FAM153A: variants seen among roughly 807,000 people sequenced by gnomAD.
FAM153A encodes the protein protein FAM153A.
FAM153A carries 12 observed loss-of-function variants against 48.1 expected under a neutral mutation model. The ratio of observed to expected loss-of-function variants is 0.25; its 90% CI spans 0.16 to 0.40. The LOEUF (loss-of-function observed/expected upper bound fraction) is 0.40, where lower values mean the gene tolerates loss of function less well. Among genes scored for constraint, FAM153A ranks in the 10% least tolerant of loss-of-function variants. The pLI, the probability that FAM153A is intolerant of heterozygous loss-of-function variation, is 1.00. For missense variants in FAM153A, 111 were observed against 345.8 expected (o/e 0.32, Z 5.38); for synonymous variants, 36 against 118.2 (o/e 0.30, Z 4.51).
At chr5:177,737,695 T>G (rs577901316) in intron 10 of FAM153A, among the ~76,000 whole-genome samples, 1 of 151,596 alleles carries the variant, frequency 6.6e-6, no homozygotes, top group South Asian at 2.1e-4. Flanking sequence ...TAATTCTGTA[T>G]TTTTAGGAGA....
At chr5:177,706,765 G>C (rs1757922359), downstream of FAM153A, 2 of 151,876 alleles carry the variant, frequency 1.3e-5, no homozygotes, top group African/African-American at 4.9e-5. Context: ...AGGAAGGCTT[G>C]ATCAGCATGT....
chr5:177,767,865 TGACAAAACGTGTGGA>T, intron 1 of FAM153A, among the ~76,000 whole-genome samples: 1 of 95,976 alleles, frequency 1.0e-5, no homozygotes, highest in Non-Finnish European at 2.2e-5. Context: ...AAGTCTCCTG[TGACAAAACGTGTGGA>T]GGGTTTTTCT....
In FAM153A at chr5:177,713,248, CTTTCT is replaced by C. The variant is rs1287052979; in HGVS notation, c.*1392-83_*1392-79del. On this transcript the variant is annotated intron_variant and NMD_transcript_variant, in intron 26 of 26. Transcript: ENST00000360669. ...ACTGTTTCTTACGTGTTTTCTTTTT[CTTTCT>C]TTTCTTTTTTTTTTTTTTGAGGAGT... The C allele has an allele frequency of 4.4e-4, 62 of 139,822 alleles. 2 individuals are homozygous for C. The highest frequency in any genetic ancestry group is 1.7e-3 in the South Asian group (7 of 4,134). The allele number at this position is 139,822 out of a possible 1,614,324, so 8.7% of individuals were successfully genotyped here.
At chr5:177,738,270 A>G (rs2127653837) in intron 10 of FAM153A, among the ~76,000 whole-genome samples, 1 of 151,480 alleles carries the variant, frequency 6.6e-6, no homozygotes, top group East Asian at 1.9e-4. Context: ...GTTAAATACA[A>G]TATAACACGC....
chr5:177,704,759 G>C (rs554112049), downstream of FAM153A, among the ~76,000 whole-genome samples: 60 of 151,836 alleles, frequency 4.0e-4, no homozygotes, highest in South Asian at 9.2e-3. Flanking sequence ...GAGCACTTTG[G>C]GAGGCTGAGG....
chr5:177,704,475 CTGTT>C, downstream of FAM153A, among the ~76,000 whole-genome samples: 1 of 71,182 alleles, frequency 1.4e-5, no homozygotes, highest in Non-Finnish European at 2.5e-5. Flanking sequence ...GGCGGTTTCT[CTGTT>C]TGAGGTCGGG....
intron 1 of FAM153A, among the ~76,000 whole-genome samples, chr5:177,762,658 G>A (rs1768401068): frequency 6.7e-6 from 1 of 148,918 alleles, no homozygotes; most frequent in South Asian, 2.1e-4. Flanking sequence ...TGTTGGGGTG[G>A]AGGGTAAAAA....
chr5:177,706,483 GC>G (rs573537602), downstream of FAM153A, among the ~76,000 whole-genome samples: 140 of 152,094 alleles, frequency 9.2e-4, 2 homozygotes, highest in African/African-American at 3.3e-3. Context: ...ACAGGCGTGA[GC>G]CACTGCGCCC....
At chr5:177,707,487 G>A (rs1157122127), downstream of FAM153A, among the ~76,000 whole-genome samples, 1 of 151,750 alleles carries the variant, frequency 6.6e-6, no homozygotes, top group Non-Finnish European at 1.5e-5. Context: ...TGTTTTTGAA[G>A]TAAAAAATGC....
chr5:177,758,736 T>C (rs574460490), intron 1 of FAM153A, among the ~76,000 whole-genome samples: 7 of 149,724 alleles, frequency 4.7e-5, no homozygotes, highest in African/African-American at 1.7e-4. Flanking sequence ...AAGGATTCCC[T>C]ATATAATAAA....
At chr5:177,774,065 AT>A (rs1458208121) in intron 1 of FAM153A, among the ~76,000 whole-genome samples, 1 of 102,844 alleles carries the variant, frequency 9.7e-6, no homozygotes, top group East Asian at 3.8e-4. Context: ...ATGCTGAGAG[AT>A]TTTGTCACCA....
At chr5:177,708,452 C>G (rs978546026), downstream of FAM153A, among the ~76,000 whole-genome samples, 6 of 151,934 alleles carry the variant, frequency 3.9e-5, no homozygotes, top group African/African-American at 1.5e-4. Flanking sequence ...TGGCACATGC[C>G]TGTAATCCCA....
At chr5:177,756,601 G>A (rs1434181427), upstream of FAM153A, among the ~76,000 whole-genome samples, 3 of 151,410 alleles carry the variant, frequency 2.0e-5, no homozygotes, top group Admixed American at 6.6e-5. Flanking sequence ...GCACTCCTCA[G>A]CAAATGTAAA....
chr5:177,766,160 A>C (rs1240242304), intron 1 of FAM153A, among the ~76,000 whole-genome samples: 2 of 95,520 alleles, frequency 2.1e-5, no homozygotes, highest in African/African-American at 8.0e-5. Flanking sequence ...ACATGCCAAT[A>C]GGATAAAAAA....
At chr5:177,755,379 G>A (rs1275731940), upstream of FAM153A, among the ~76,000 whole-genome samples, 9 of 151,830 alleles carry the variant, frequency 5.9e-5, no homozygotes, top group Non-Finnish European at 8.8e-5. Flanking sequence ...TGAAAGTGAT[G>A]GGGAGAATGG....
chr5:177,705,323 G>GCACCCC (rs927704454), downstream of FAM153A, among the ~76,000 whole-genome samples: 3 of 147,278 alleles, frequency 2.0e-5, no homozygotes, highest in East Asian at 4.1e-4. Flanking sequence ...AAAGTATATG[G>GCACCCC]CACCCCCACC....
downstream of FAM153A, chr5:177,723,184 C>T (rs1761509355): frequency 1.5e-5 from 2 of 136,294 alleles, no homozygotes. Context: ...CTAATAAGAC[C>T]TGGTCTTTCT....
chr5:177,711,667 T>C (rs1396488251), exon 27 of FAM153A: 1 of 151,934 alleles, frequency 6.6e-6, no homozygotes, highest in African/African-American at 2.4e-5. Context: ...TTTTTGATGG[T>C]GTTATCAGAT....
rs1764285999 is a variant in FAM153A, at chr5:177,734,016, C to T, written c.760+364G>A. On this transcript the variant is annotated intron_variant, in intron 14 of 20. Coordinates refer to ENST00000614127, the Ensembl canonical transcript of FAM153A. ...TCATGTGCCTGCAACAGGACTGCAA[C>T]GGTGATGGAAATCTCTGTTGAGAAT... Among the ~76,000 whole-genome samples the T allele has an allele frequency of 7.9e-5, 9 of 114,026 alleles. No individual in the cohort carries two copies. The South Asian group carries it at 1.7e-3, about 21-fold the overall frequency. 74.8% of individuals were successfully genotyped at this position (114,026 alleles called of 152,430 possible).
Sources: gnomAD v4.1 joint callset for allele counts (sites outside exome capture counted in the v4.1 genomes callset) on GRCh38, gnomAD v4.1.1 for gene constraint, MANE v1.5 for transcripts, NCBI Gene and HGNC (gene_info 2026-07-23, HGNC 2026-07-21) for gene names.